Variants in SLC13A3 observed in about 807,000 individuals in gnomAD.
The protein encoded by SLC13A3 is solute carrier family 13 member 3.
SLC13A3 carries 40 observed loss-of-function variants against 59.0 expected under a neutral mutation model. The observed-to-expected ratio is 0.68, with a 90% CI of 0.53 to 0.88. SLC13A3 has a LOEUF of 0.88. Ranked by LOEUF, SLC13A3 falls within the 40% of genes least tolerant of loss-of-function variation. The pLI is 0.00. For synonymous variants in SLC13A3, 317 were observed against 330.3 expected (o/e 0.96, Z 0.44); for missense variants, 699 against 783.2 (o/e 0.89, Z 1.28).
At position 46,613,690 on chromosome 20, in the gene SLC13A3, C is replaced by A; in HGVS notation, c.147G>T (p.Ala49=). The part of the protein sequence containing the change: ...GRCLFVILLM[A]VYWCTEALPL... ...GCAGGGCCTCCGTGCACCAGTACAC[C>A]GCCATGAGCAGGATGACAAACAAGC... The change falls in exon 2 of 13, where the codon GCG becomes GCT. Residue 49 remains alanine, a synonymous_variant. Coordinates refer to ENST00000279027, the MANE Select transcript of SLC13A3 (RefSeq NM_022829.6). 6.2e-7 allele frequency: 1 copy of A among 1,607,502 alleles called. No individual in the cohort carries two copies. The highest frequency in any genetic ancestry group is 8.5e-7 in the Non-Finnish European group (1 of 1,176,782).
At chr20:46,667,303 G>A (rs2063067247) in intron 1 of SLC13A3, among the ~76,000 whole-genome samples, 1 of 152,138 alleles carries the variant, frequency 6.6e-6, no homozygotes, top group Non-Finnish European at 1.5e-5. Context: ...CTAGAGAATT[G>A]GATTCATTGA....
chr20:46,579,284 C>T (rs953470254), intron 9 of SLC13A3, among the ~76,000 whole-genome samples: 18 of 152,216 alleles, frequency 1.2e-4, no homozygotes, highest in African/African-American at 4.1e-4. Context: ...TGTGCCACCA[C>T]ACAGGCTAAT....
chr20:46,589,321 A>C, intron 6 of SLC13A3, 66 bp from the exon 7 acceptor site: 4 of 1,364,378 alleles, frequency 2.9e-6, no homozygotes. Flanking sequence ...ACCTACAACA[A>C]GCACCACCAC....
rs537005920 is a variant in SLC13A3, at chr20:46,596,763, T to C, written c.609-421A>G. ...TAGTTTTTTATTTTATAAATACTTA[T>C]GTTGCAGCTGGGCGTGGTGGCTCAC... On this transcript the variant is annotated intron_variant, in intron 4 of 12. Coordinates refer to ENST00000279027, the MANE Select transcript of SLC13A3 (RefSeq NM_022829.6). Among the ~76,000 whole-genome samples the C allele has an allele frequency of 1.1e-4, 16 of 152,322 alleles. No individual in the cohort carries two copies. The East Asian group carries it at 1.2e-3, about 11-fold the overall frequency.
intron 1 of SLC13A3, among the ~76,000 whole-genome samples, chr20:46,623,213 A>G (rs1460666887): frequency 6.6e-6 from 1 of 152,200 alleles, no homozygotes. Flanking sequence ...CACCTGGAAA[A>G]TTTCAATTCT....
At chr20:46,608,915 C>T (rs2062463246) in intron 3 of SLC13A3, 1 of 1,550,888 alleles carries the variant, frequency 6.4e-7, no homozygotes, top group South Asian at 1.2e-5. Flanking sequence ...TTCCACCCGG[C>T]AGGAAGGACA....
intron 10 of SLC13A3, among the ~76,000 whole-genome samples, chr20:46,570,797 G>T (rs374168000): frequency 1.3e-4 from 20 of 152,232 alleles, no homozygotes; most frequent in Middle Eastern, 6.8e-3. Context: ...TCAGTGATTT[G>T]CCCAAATAAA....
chr20:46,634,475 TG>T (rs1425222528), intron 1 of SLC13A3, among the ~76,000 whole-genome samples: 1 of 152,002 alleles, frequency 6.6e-6, no homozygotes, highest in Non-Finnish European at 1.5e-5. Context: ...CAAGACTCAA[TG>T]GGGGAAACAG....
At chr20:46,683,457 C>A (rs1244368343) in intron 1 of SLC13A3, among the ~76,000 whole-genome samples, 2 of 152,094 alleles carry the variant, frequency 1.3e-5, no homozygotes, top group South Asian at 4.1e-4. Context: ...GCAGAGAACT[C>A]GCCTGCATAA....
In SLC13A3 at chr20:46,558,067, A is replaced by G. The variant is rs183048434; in HGVS notation, c.*1955T>C. ...ATTTATATTCTAGAGGGAGAAGAAGATAATAAGAAAATAAGTTATACAGTG... is the reference window on the plus strand; with the variant it reads ...ATTTATATTCTAGAGGGAGAAGAAGGTAATAAGAAAATAAGTTATACAGTG... On this transcript the variant is annotated 3_prime_UTR_variant, in exon 13 of 13. Transcript: ENST00000279027. 9.2e-5 allele frequency: 13 copies of G among 141,384 alleles called. No individual in the cohort carries two copies. Among genetic ancestry groups the G allele is most frequent in the Admixed American group, 8.0e-4 (11 of 13,672 alleles). 8.8% of individuals were successfully genotyped at this position (141,384 alleles called of 1,614,324 possible). A position where few individuals can be genotyped will look rare whatever the true frequency, so the allele number is the denominator to read the frequency against.
chr20:46,613,700 A>G lies in SLC13A3; in HGVS notation c.137T>C (p.Leu46Pro), dbSNP rs1327477403. 1 of 1,604,276 alleles carries G rather than the reference A, an allele frequency of 6.2e-7. No homozygotes were observed. The highest frequency in any genetic ancestry group is 8.5e-7 in the Non-Finnish European group (1 of 1,174,808). ...CGTGCACCAGTACACCGCCATGAGC[A>G]GGATGACAAACAAGCAGCGGCCTTC... ...PKEGRCLFVI[L>P]LMAVYWCTEA... is the part of the protein sequence containing the mutation. The change falls in exon 2 of 13, where the codon CTG becomes CCG. Residue 46 changes from leucine to proline, a missense_variant. Coordinates refer to ENST00000279027, the MANE Select transcript of SLC13A3 (RefSeq NM_022829.6).
At chr20:46,649,150 C>T (rs907140836) in intron 1 of SLC13A3, among the ~76,000 whole-genome samples, 3 of 152,132 alleles carry the variant, frequency 2.0e-5, no homozygotes, top group Admixed American at 2.0e-4. Context: ...TGGCCCCTAG[C>T]ACATGGTAAG....
At chr20:46,594,556 G>A (rs1568926443) in intron 5 of SLC13A3, among the ~76,000 whole-genome samples, 1 of 152,090 alleles carries the variant, frequency 6.6e-6, no homozygotes, top group Non-Finnish European at 1.5e-5. Flanking sequence ...CTAAAGGGCT[G>A]AGCCTAGATC....
chr20:46,664,031 C>T (rs2063048087), intron 1 of SLC13A3, among the ~76,000 whole-genome samples: 1 of 152,278 alleles, frequency 6.6e-6, no homozygotes, highest in South Asian at 2.1e-4. Flanking sequence ...GTGCTACATG[C>T]ACTTCTTTAA....
chr20:46,684,068 T>A (rs978438324), intron 1 of SLC13A3, among the ~76,000 whole-genome samples: 4 of 152,160 alleles, frequency 2.6e-5, no homozygotes, highest in Non-Finnish European at 5.9e-5. Flanking sequence ...CTCTCCCATC[T>A]CATGTTCTGC....
Position 46,596,198 on chromosome 20 carries a change from C to T in SLC13A3, c.753G>A (p.Thr251=), listed in dbSNP as rs149494526. 135 of 1,613,958 alleles carry T rather than the reference C, an allele frequency of 8.4e-5. No individual in the cohort carries two copies. In the African/African-American group the frequency reaches 1.3e-3, roughly 16 times the overall value. Residue 251 remains threonine, a synonymous_variant, in exon 5 of 13, where the codon ACG becomes ACA. Transcript: ENST00000279027. ...GCAGGATGAGGTTAGGGGCTGTGCC[C>T]GTGAGTGTGGCTGTGCCCCCAATAC... ...SASIGGTATL[T]GTAPNLILLG...
Position 46,650,083 on chromosome 20 carries a change from C to T in SLC13A3, c.111+1228G>A, listed in dbSNP as rs143637298. Among the ~76,000 whole-genome samples the T allele has an allele frequency of 3.2e-3, 490 of 152,268 alleles. 6 individuals are homozygous for T. The highest frequency in any genetic ancestry group is 0.011 in the African/African-American group (455 of 41,554). On this transcript the variant is annotated intron_variant, in intron 1 of 12. Coordinates refer to ENST00000279027, the MANE Select transcript of SLC13A3 (RefSeq NM_022829.6). Reference sequence around the variant, plus strand: ...GGAGGTAGAAGCCTTATCTTACAAGCCCAGTGCCCTCTCATGATGCCCTGG... The same window carrying T: ...GGAGGTAGAAGCCTTATCTTACAAGTCCAGTGCCCTCTCATGATGCCCTGG...
chr20:46,653,594 T>C (rs150403338), upstream of SLC13A3, among the ~76,000 whole-genome samples: 1 of 152,324 alleles, frequency 6.6e-6, no homozygotes, highest in East Asian at 1.9e-4. Context: ...TGAAACACTG[T>C]ATTCATTACA....
At chr20:46,590,772 C>T (rs997135158) in intron 6 of SLC13A3, among the ~76,000 whole-genome samples, 75 of 152,236 alleles carry the variant, frequency 4.9e-4, no homozygotes, top group African/African-American at 1.7e-3. Flanking sequence ...TGTTTATTCT[C>T]TGATCCAGAA....
Sources: allele counts gnomAD v4.1 joint callset (sites outside exome capture counted in the v4.1 genomes callset), GRCh38; gene constraint gnomAD v4.1.1; transcripts MANE v1.5; gene names NCBI Gene and HGNC (gene_info 2026-07-23, HGNC 2026-07-21).